Variants in HUWE1 observed in about 807,000 individuals in gnomAD.
HUWE1 encodes the protein HECT, UBA and WWE domain containing E3 ubiquitin protein ligase 1.
A neutral mutation model predicts 299.4 loss-of-function variants in HUWE1; 18 were observed. The ratio of observed to expected loss-of-function variants is 0.06; its 90% CI spans 0.04 to 0.09. HUWE1 has a LOEUF of 0.09. Among genes scored for constraint, HUWE1 ranks in the 10% least tolerant of loss-of-function variants. The pLI, the probability that HUWE1 is intolerant of heterozygous loss-of-function variation, is 1.00. For missense variants in HUWE1, 1,832 were observed against 3,462.3 expected (o/e 0.53, Z 11.82); for synonymous variants, 1,317 against 1,286.1 (o/e 1.02, Z -0.51).
intron 51 of HUWE1, among the ~76,000 whole-genome samples, 158 bp from the exon 52 acceptor site, chrX:53,563,979 A>C (rs2062414604): frequency 8.9e-6 from 1 of 112,423 alleles, no homozygotes; most frequent in East Asian, 2.8e-4. Context: ...ATTAGCACAG[A>C]AACTACCACG....
chrX:53,567,745 A>G (rs1046381676), intron 49 of HUWE1, among the ~76,000 whole-genome samples: 1 of 111,979 alleles, frequency 8.9e-6, no homozygotes, highest in Non-Finnish European at 1.9e-5. Context: ...TATGATTGAT[A>G]GTGTAGACAT....
rs1395012670 is a variant in HUWE1 at position 53,554,782 on chromosome X, T to G, written c.8345A>C (p.Glu2782Ala). The change falls in exon 61 of 84, where the codon GAG becomes GCG. Residue 2782 changes from glutamate to alanine, a missense_variant. Transcript: ENST00000262854. ...PTLPTPPALG[E>A]VPQELQSPAG... The stretch of plus-strand genomic sequence containing the variant: ...TGGAGACTGCAGCTCCTGAGGAACC[T>G]CTCCCAAAGCTGGTGGGGTTGGGAG... 1.7e-6 allele frequency: 2 copies of G among 1,209,161 alleles called. No homozygotes were observed. The highest frequency in any genetic ancestry group is 2.2e-6 in the Non-Finnish European group (2 of 895,033).
intron 61 of HUWE1, among the ~76,000 whole-genome samples, chrX:53,554,232 T>C (rs2061896115): frequency 9.0e-6 from 1 of 110,983 alleles, no homozygotes; most frequent in South Asian, 3.8e-4. Flanking sequence ...GGAGAGTTTT[T>C]TTTTCCCCCC....
At chrX:53,590,643 G>A in intron 34 of HUWE1, 144 bp from the exon 35 acceptor site, 1 of 514,871 alleles carries the variant, frequency 1.9e-6, no homozygotes, top group East Asian at 3.5e-5. Flanking sequence ...TCTTGTATAA[G>A]TCAAACCCTA....
At chrX:53,591,179 A>T in intron 33 of HUWE1, 57 bp from the exon 34 acceptor site, 1 of 1,163,433 alleles carries the variant, frequency 8.6e-7, no homozygotes, top group Non-Finnish European at 1.2e-6. Flanking sequence ...ATACATTTTT[A>T]AAAGGAAGGA....
chrX:53,683,598 A>G (rs1279203484), intron 2 of HUWE1, among the ~76,000 whole-genome samples: 1 of 107,398 alleles, frequency 9.3e-6, no homozygotes, highest in Non-Finnish European at 1.9e-5. Context: ...TCGGTGGGGC[A>G]AAGGCGGGCC....
chrX:53,538,447 G>A lies in HUWE1; in HGVS notation c.11886C>T (p.His3962=), dbSNP rs1242569969. 1.7e-6 allele frequency: 2 copies of A among 1,186,687 alleles called. No individual in the cohort carries two copies. The highest frequency in any genetic ancestry group is 3.0e-5 in the East Asian group (1 of 33,664). ...GTAGGATCTGGTTTAACACAGTGCG[G>A]TGAGTCTCTGAGGGGAGAAGTGACA... is the stretch of plus-strand genomic sequence containing the variant. ...TQKFLRFAET[H]RTVLNQILRQ... is the part of the protein sequence containing the mutation. The change falls in exon 77 of 84, where the codon CAC becomes CAT. Residue 3962 remains histidine (H), a synonymous_variant. Coordinates refer to ENST00000262854, the MANE Select transcript of HUWE1 (RefSeq NM_031407.7).
At position 53,562,870 on chromosome X, in the gene HUWE1, T is replaced by C; in HGVS notation, c.7165A>G (p.Asn2389Asp). 1 of 1,211,494 alleles carries C rather than the reference T, an allele frequency of 8.3e-7. No homozygotes were observed. Among genetic ancestry groups the C allele is most frequent in the Non-Finnish European group, 1.1e-6 (1 of 895,379 alleles). ...EDVLMDEAPS[N>D]LSQASTLQAN... ...TGCAAGGTGGAAGCTTGGCTGAGGT[T>C]GGAAGGAGCTTCATCCATCAGCACG... is the stretch of plus-strand genomic sequence containing the variant. The change falls in exon 53 of 84, where the codon AAC (asparagine) becomes GAC (aspartate). Residue 2389 changes from asparagine (N) to aspartate (D), a missense_variant. Around this residue, in one of 15 missense-constraint regions of HUWE1, gnomAD observed 170 missense variants for 335.8 expected, o/e 0.51. Coordinates refer to ENST00000262854, the MANE Select transcript of HUWE1 (RefSeq NM_031407.7).
rs2063686822 is a variant in HUWE1 at position 53,582,818 on chromosome X, T to C, written c.5520+740A>G. Among the ~76,000 whole-genome samples the C allele has an allele frequency of 2.7e-5, 3 of 109,313 alleles. No individual in the cohort carries two copies. In the East Asian group the frequency reaches 8.6e-4, roughly 31 times the overall value. 94.9% of individuals were successfully genotyped at this position (109,313 alleles called of 115,157 possible). A position where few individuals can be genotyped will look rare whatever the true frequency, so the allele number is the denominator to read the frequency against. On this transcript the variant is annotated intron_variant, in intron 42 of 83. Transcript: ENST00000262854. ...CTCTGTCACCCAGGCTGGGGAGCAA[T>C]GGCACCATCTCGGCTCACTGCAACC...
chrX:53,538,566 T>C, intron 76 of HUWE1, 112 bp from the exon 77 acceptor site: 1 of 605,046 alleles, frequency 1.7e-6, no homozygotes, highest in Non-Finnish European at 2.8e-6. Context: ...TTCAGGGCTC[T>C]AAAAGGACTA....
intron 19 of HUWE1, among the ~76,000 whole-genome samples, chrX:53,618,425 AAGG>A (rs1412183727): frequency 1.4e-4 from 16 of 111,458 alleles, no homozygotes; most frequent in African/African-American, 4.5e-4. Context: ...ATGAATGAGA[AAGG>A]AGATTTAACT....
At chrX:53,647,271 T>C (rs1252352814) in intron 6 of HUWE1, 97 bp downstream of exon 6, 2 of 617,369 alleles carry the variant, frequency 3.2e-6, no homozygotes, top group Non-Finnish European at 5.4e-6. Context: ...AGCTCCACAA[T>C]GAAAAGGAAA....
intron 82 of HUWE1, 46 bp from the exon 83 acceptor site, chrX:53,534,243 A>T: frequency 1.9e-6 from 2 of 1,077,837 alleles, no homozygotes; most frequent in South Asian, 1.9e-5. Context: ...GAAAGCTCCT[A>T]GAAGCAGGGT....
chrX:53,542,842 C>G, intron 73 of HUWE1: 1 of 245,722 alleles, frequency 4.1e-6, no homozygotes, highest in Non-Finnish European at 7.1e-6. Context: ...AAGTCTTCTT[C>G]TGTTGTGTGT....
At chrX:53,640,787 T>C (rs1418633625) in intron 7 of HUWE1, among the ~76,000 whole-genome samples, 1 of 112,305 alleles carries the variant, frequency 8.9e-6, no homozygotes, top group Non-Finnish European at 1.9e-5. Context: ...TGGATCTGAA[T>C]TACCTAAAAA....
At position 53,671,487 on chromosome X, in the gene HUWE1, T is replaced by C. The variant is rs1475796895; in HGVS notation, c.-25+8562A>G. Among the ~76,000 whole-genome samples, 4 of 111,641 alleles carry C rather than the reference T, an allele frequency of 3.6e-5. No individual in the cohort carries two copies. In the Admixed American group the frequency reaches 3.8e-4, roughly 11 times the overall value. On this transcript the variant is annotated intron_variant, in intron 3 of 83. Transcript: ENST00000262854. The stretch of plus-strand genomic sequence containing the variant: ...ATTCTGCATACAATAAAATACAATG[T>C]AGCCATTAAAAATGCTACAGAAGCT...
chrX:53,634,192 C>T (rs368828273), intron 8 of HUWE1, 44 bp downstream of exon 8: 2 of 1,009,527 alleles, frequency 2.0e-6, no homozygotes, highest in African/African-American at 3.8e-5. Context: ...ACAGAGAGGC[C>T]ACAGCTCTGT....
At position 53,592,644 on chromosome X, in the gene HUWE1, A is replaced by G. The variant is rs370178303; in HGVS notation, c.3742-16T>C. On this transcript the variant is annotated splice_polypyrimidine_tract_variant and intron_variant, in intron 32 of 83. Coordinates refer to ENST00000262854, the MANE Select transcript of HUWE1 (RefSeq NM_031407.7). ...TAAAGGCTGCCTGTAAGTAATTTGA[A>G]AAGTGTGTGAAAATCATTTTGCTTC... 30 of 1,092,648 alleles carry G rather than the reference A, an allele frequency of 2.7e-5. No individual in the cohort carries two copies. In the African/African-American group the frequency reaches 4.6e-4, roughly 17 times the overall value. The allele number at this position is 1,092,648 out of a possible 1,213,427, so 90.0% of individuals were successfully genotyped here. A position where few individuals can be genotyped will look rare whatever the true frequency, so the allele number is the denominator to read the frequency against.
intron 4 of HUWE1, among the ~76,000 whole-genome samples, chrX:53,652,241 G>GA (rs1557040620): frequency 9.0e-6 from 1 of 111,345 alleles, no homozygotes; most frequent in Non-Finnish European, 1.9e-5. Flanking sequence ...TTAATGCTTG[G>GA]AAAGACCATG....
Sources: gnomAD v4.1 joint callset for allele counts (sites outside exome capture counted in the v4.1 genomes callset) on GRCh38, gnomAD v4.1.1 for gene constraint, gnomAD v4.1.1 regional missense constraint, MANE v1.5 for transcripts, NCBI Gene and HGNC (gene_info 2026-07-23, HGNC 2026-07-21) for gene names.